The following CRNKL1 variants were observed in gnomAD, a reference collection of about 807,000 sequenced individuals.
CRNKL1 encodes crooked neck pre-mRNA splicing factor 1.
In CRNKL1, 35 loss-of-function variants were observed where a neutral mutation model predicts 103.7. The observed-to-expected ratio is 0.34, with a 90% CI of 0.26 to 0.45. The LOEUF (loss-of-function observed/expected upper bound fraction) is 0.45. CRNKL1 is among the 20% of genes least tolerant of loss of function. The pLI, the probability that CRNKL1 is intolerant of heterozygous loss-of-function variation, is 1.00. For synonymous variants in CRNKL1, 267 were observed against 282.6 expected (o/e 0.94, Z 0.55); for missense variants, 645 against 836.0 (o/e 0.77, Z 2.82).
At position 20,034,982 on chromosome 20, in the gene CRNKL1, C is replaced by A; in HGVS notation, c.*1213G>T. On this transcript the variant is annotated 3_prime_UTR_variant, in exon 14 of 14. Transcript: ENST00000536226. ...ACAAAGAAAAAATGTGCTTGAGAAA[C>A]ACAGTCCAGGTTAAAGGAAAACTCT... 1 of 152,118 alleles carries A rather than the reference C, an allele frequency of 6.6e-6. No individual in the cohort carries two copies. Among genetic ancestry groups the A allele is most frequent in the East Asian group, 1.9e-4 (1 of 5,188 alleles). The allele number at this position is 152,118 out of a possible 1,614,324, so 9.4% of individuals were successfully genotyped here. A position where few individuals can be genotyped will look rare whatever the true frequency, so the allele number is the denominator to read the frequency against.
chr20:20,042,447 C>T lies in CRNKL1; in HGVS notation c.1042G>A (p.Ala348Thr). Reference protein sequence around the residue: ...RLVESDAEAEAVREVYERAIA... With the variant: ...RLVESDAEAETVREVYERAIA... The stretch of plus-strand genomic sequence containing the variant: ...GCCCTTTCATAGACTTCTCTCACGG[C>T]TTCAGCTTCTGCGTCACTTTCTACC... Residue 348 changes from alanine to threonine, a missense_variant, in exon 8 of 14, where the codon GCC becomes ACC. By Grantham distance (58) the Ala-to-Thr change is moderately conservative (BLOSUM62 0). This residue lies in a region of CRNKL1 where 582 missense variants were observed against 707.7 expected (regional missense o/e 0.82). Coordinates refer to ENST00000536226, the MANE Select transcript of CRNKL1 (RefSeq NM_001278628.2). 1 of 1,614,170 alleles carries T rather than the reference C, an allele frequency of 6.2e-7. No homozygotes were observed. The highest frequency in any genetic ancestry group is 8.5e-7 in the Non-Finnish European group (1 of 1,180,018).
Position 20,038,461 on chromosome 20 carries a change from A to C in CRNKL1, c.1546-11T>G. On this transcript the variant is annotated splice_polypyrimidine_tract_variant and intron_variant, in intron 11 of 13. Coordinates refer to ENST00000536226, the MANE Select transcript of CRNKL1 (RefSeq NM_001278628.2). ...TGATTTCCAAAGCACCTAAGGAAGA[A>C]AAGTAAATGGGTCAGTCTTGACATT... 4 of 1,478,620 alleles carry C rather than the reference A, an allele frequency of 2.7e-6. No homozygotes were observed. Among genetic ancestry groups the C allele is most frequent in the Non-Finnish European group, 3.7e-6 (4 of 1,080,480 alleles). The allele number at this position is 1,478,620 out of a possible 1,614,324, so 91.6% of individuals were successfully genotyped here.
chr20:20,052,389 A>G lies in CRNKL1; in HGVS notation c.-47T>C. 1 of 1,614,220 alleles carries G rather than the reference A, an allele frequency of 6.2e-7. No individual in the cohort carries two copies. The highest frequency in any genetic ancestry group is 8.5e-7 in the Non-Finnish European group (1 of 1,180,044). ...GACACCTGTCCCCGGCACGGACGCT[A>G]GAAATCGGCTCTGAGAGCTCACCGA... On this transcript the variant is annotated 5_prime_UTR_variant, in exon 1 of 14. Coordinates refer to ENST00000536226, the MANE Select transcript of CRNKL1 (RefSeq NM_001278628.2).
intron 6 of CRNKL1, among the ~76,000 whole-genome samples, chr20:20,044,792 T>A (rs2043569479): frequency 6.6e-6 from 1 of 152,122 alleles, no homozygotes; most frequent in African/African-American, 2.4e-5. Flanking sequence ...CTCAATTTTT[T>A]TTTTTAGAGA....
chr20:20,042,276 C>A, intron 8 of CRNKL1, 49 bp downstream of exon 8: 2 of 1,484,444 alleles, frequency 1.3e-6, no homozygotes, highest in Non-Finnish European at 1.8e-6. Flanking sequence ...GCTGTGAATA[C>A]AGAAGACAGG....
chr20:20,042,325 C>G lies in CRNKL1; in HGVS notation c.1164G>C (p.Lys388Asn), dbSNP rs532846228. Reference sequence around the variant, plus strand: ...CTGACACATAATTCTGTTTTTTCACCTTTGCCTCCAATTCTTCATAGAGTG... The same window carrying G: ...CTGACACATAATTCTGTTTTTTCACGTTTGCCTCCAATTCTTCATAGAGTG... The part of the protein sequence containing the change: ...NYALYEELEA[K>N]DPERTRQVYQ... Residue 388 changes from lysine (K) to asparagine (N), a missense_variant and splice_region_variant, in exon 8 of 14, where the codon AAG becomes AAC. By Grantham distance (94) the Lys-to-Asn change is moderately conservative (BLOSUM62 0). This residue lies in a region of CRNKL1 where 582 missense variants were observed against 707.7 expected (regional missense o/e 0.82). Transcript: ENST00000536226. 4.4e-6 allele frequency: 7 copies of G among 1,581,294 alleles called. No individual in the cohort carries two copies. The highest frequency in any genetic ancestry group is 6.0e-6 in the Non-Finnish European group (7 of 1,164,668).
At chr20:20,039,560 G>A in intron 11 of CRNKL1, 49 bp downstream of exon 11, 3 of 1,605,802 alleles carry the variant, frequency 1.9e-6, no homozygotes, top group Non-Finnish European at 2.6e-6. Context: ...TCTAAAGTAA[G>A]ACTAAACACG....
chr20:20,039,032 G>A (rs1180843098), intron 11 of CRNKL1, among the ~76,000 whole-genome samples: 2 of 152,148 alleles, frequency 1.3e-5, no homozygotes, highest in African/African-American at 4.8e-5. Context: ...AATGCAATCA[G>A]GGGGCCAAAC....
At chr20:20,043,375 A>G (rs1366915666) in intron 7 of CRNKL1, 117 bp downstream of exon 7, 1 of 1,005,982 alleles carries the variant, frequency 9.9e-7, no homozygotes, top group South Asian at 1.8e-5. Flanking sequence ...TCACGGGCAC[A>G]TCATCACGAG....
intron 6 of CRNKL1, among the ~76,000 whole-genome samples, chr20:20,044,433 G>T (rs530631165): frequency 2.6e-5 from 4 of 152,244 alleles, no homozygotes. Flanking sequence ...CCCAGTTTGG[G>T]AATATTTGCA....
intron 3 of CRNKL1, 119 bp from the exon 4 acceptor site, chr20:20,048,620 G>T: frequency 2.1e-6 from 2 of 964,922 alleles, no homozygotes; most frequent in Non-Finnish European, 3.0e-6. Flanking sequence ...GCCAAGTTCT[G>T]GGCATAAAAA....
chr20:20,052,580 G>A (rs1479913106), upstream of CRNKL1: 1 of 1,613,772 alleles, frequency 6.2e-7, no homozygotes, highest in African/African-American at 1.3e-5. Flanking sequence ...GCGTCCTGGA[G>A]CTGCGGATGA....
At chr20:20,036,446 G>T in intron 13 of CRNKL1, 84 bp from the exon 14 acceptor site, 1 of 1,255,896 alleles carries the variant, frequency 8.0e-7, no homozygotes. Context: ...TGGAAATCCG[G>T]ATGATTACCT....
At chr20:20,037,093 C>T (rs1173483451) in intron 13 of CRNKL1, among the ~76,000 whole-genome samples, 2 of 152,180 alleles carry the variant, frequency 1.3e-5, no homozygotes, top group East Asian at 3.8e-4. Flanking sequence ...TTCCCAGACT[C>T]AACCATCACC....
In CRNKL1 at chr20:20,043,661, A is replaced by T; in HGVS notation, c.803T>A (p.Phe268Tyr). 6.2e-7 allele frequency: 1 copy of T among 1,611,356 alleles called. No homozygotes were observed. The highest frequency in any genetic ancestry group is 8.5e-7 in the Non-Finnish European group (1 of 1,177,624). The change falls in exon 7 of 14, where the codon TTT (phenylalanine) becomes TAT (tyrosine). Residue 268 changes from phenylalanine (F) to tyrosine (Y), a missense_variant and splice_region_variant. Transcript: ENST00000536226. Reference sequence around the variant, plus strand: ...CTTGTAAATCACTCGTACCCTTTCAAACTAAATGCAGACAGGATGATTACC... The same window carrying T: ...CTTGTAAATCACTCGTACCCTTTCATACTAAATGCAGACAGGATGATTACC... ...FAKFEENQKEFERVRVIYKYA... is the reference protein window; with the variant it reads ...FAKFEENQKEYERVRVIYKYA...
chr20:20,039,439 T>C (rs2043476272), intron 11 of CRNKL1, among the ~76,000 whole-genome samples, 170 bp downstream of exon 11: 1 of 152,112 alleles, frequency 6.6e-6, no homozygotes, highest in South Asian at 2.1e-4. Context: ...GAGGGCTACT[T>C]CCCCTGTCCC....
Position 20,035,888 on chromosome 20 carries a change from T to C in CRNKL1, c.*307A>G, listed in dbSNP as rs2043411600. The C allele has an allele frequency of 4.3e-6, 1 of 230,830 alleles. No homozygotes were observed. Among genetic ancestry groups the C allele is most frequent in the Non-Finnish European group, 8.4e-6 (1 of 118,496 alleles). The allele number at this position is 230,830 out of a possible 1,614,324, so 14.3% of individuals were successfully genotyped here. A position where few individuals can be genotyped will look rare whatever the true frequency, so the allele number is the denominator to read the frequency against. On this transcript the variant is annotated 3_prime_UTR_variant, in exon 14 of 14. Transcript: ENST00000536226. ...TTCAGATGAATGCATAAACTATCTT[T>C]ATGGGTATGACATGAAAAGTAACTG...
intron 8 of CRNKL1, 41 bp downstream of exon 8, chr20:20,042,284 A>G (rs1205706039): frequency 6.6e-7 from 1 of 1,517,494 alleles, no homozygotes; most frequent in African/African-American, 1.4e-5. Flanking sequence ...TACAGAAGAC[A>G]GGAAACCATT....
At chr20:20,051,194 T>C (rs1409868014) in intron 1 of CRNKL1, among the ~76,000 whole-genome samples, 2 of 152,182 alleles carry the variant, frequency 1.3e-5, no homozygotes, top group Non-Finnish European at 1.5e-5. Context: ...TGAGTACAAA[T>C]TGAGGTGGAC....
Sources: allele counts gnomAD v4.1 joint callset (sites outside exome capture counted in the v4.1 genomes callset), GRCh38; gene constraint gnomAD v4.1.1; regional missense constraint gnomAD v4.1.1; transcripts MANE v1.5; gene names NCBI Gene and HGNC (gene_info 2026-07-23, HGNC 2026-07-21).